The following GRB10 variants were observed in gnomAD, a reference collection of about 807,000 sequenced individuals.
The protein encoded by GRB10 is growth factor receptor bound protein 10, also known as growth factor receptor-bound protein 10.
In GRB10, 20 loss-of-function variants were observed where a neutral mutation model predicts 80.9. The ratio of observed to expected loss-of-function variants is 0.25; its 90% CI spans 0.17 to 0.36. The LOEUF is 0.36. Ranked by LOEUF, GRB10 falls within the 10% of genes least tolerant of loss-of-function variation. The pLI, the probability that GRB10 is intolerant of heterozygous loss-of-function variation, is 1.00. For missense variants in GRB10, 548 were observed against 747.7 expected (o/e 0.73, Z 3.12); for synonymous variants, 291 against 291.5 (o/e 1.00, Z 0.02).
chr7:50,680,006 T>C (rs961010947), intron 5 of GRB10, among the ~76,000 whole-genome samples: 10 of 152,312 alleles, frequency 6.6e-5, no homozygotes, highest in Non-Finnish European at 8.8e-5. Flanking sequence ...TTCCCATATA[T>C]AGAGTTTGGA....
chr7:50,752,657 T>A (rs1402486408), intron 3 of GRB10, among the ~76,000 whole-genome samples: 1 of 152,110 alleles, frequency 6.6e-6, no homozygotes, highest in Non-Finnish European at 1.5e-5. Context: ...AGAGTTGCCC[T>A]CCTGTGTGAG....
chr7:50,677,456 T>G (rs1034367198), intron 5 of GRB10, among the ~76,000 whole-genome samples: 1 of 152,192 alleles, frequency 6.6e-6, no homozygotes, highest in Non-Finnish European at 1.5e-5. Context: ...CACTGCCAAC[T>G]GCTGGAGCGA....
chr7:50,749,351 A>C (rs535546728), intron 3 of GRB10, among the ~76,000 whole-genome samples: 15 of 151,864 alleles, frequency 9.9e-5, no homozygotes, highest in African/African-American at 3.6e-4. Flanking sequence ...CTGATCTCGA[A>C]CACCTGACCT....
At chr7:50,693,832 G>A (rs1032872209) in intron 5 of GRB10, among the ~76,000 whole-genome samples, 4 of 151,998 alleles carry the variant, frequency 2.6e-5, no homozygotes, top group Admixed American at 6.5e-5. Context: ...TCCACTTTCA[G>A]GCAGGACCAT....
chr7:50,776,165 T>A (rs921213767), intron 2 of GRB10, among the ~76,000 whole-genome samples: 1 of 152,196 alleles, frequency 6.6e-6, no homozygotes, highest in African/African-American at 2.4e-5. Flanking sequence ...CTCCCAAACA[T>A]GTTTTTACAA....
chr7:50,689,214 C>T (rs2062479078), intron 5 of GRB10, among the ~76,000 whole-genome samples: 2 of 152,128 alleles, frequency 1.3e-5, no homozygotes. Context: ...TGCAGGGAGT[C>T]CCCATTCAGG....
chr7:50,734,894 A>C (rs2070522507), intron 3 of GRB10, among the ~76,000 whole-genome samples: 1 of 152,224 alleles, frequency 6.6e-6, no homozygotes, highest in African/African-American at 2.4e-5. Context: ...GAGATCAGGA[A>C]CAAGACAAAG....
At chr7:50,687,894 T>C (rs766634000) in intron 5 of GRB10, among the ~76,000 whole-genome samples, 2 of 152,240 alleles carry the variant, frequency 1.3e-5, no homozygotes, top group African/African-American at 2.4e-5. Context: ...CCAAGAAGCA[T>C]AGACACTTAG....
intron 7 of GRB10, among the ~76,000 whole-genome samples, chr7:50,641,971 C>T (rs1020309664): frequency 3.3e-5 from 5 of 152,178 alleles, no homozygotes; most frequent in African/African-American, 1.2e-4. Context: ...TGCTGCTCAC[C>T]TGAGGAACAC....
intron 7 of GRB10, among the ~76,000 whole-genome samples, chr7:50,638,731 C>A (rs1219196852): frequency 1.3e-5 from 2 of 152,170 alleles, no homozygotes; most frequent in Non-Finnish European, 2.9e-5. Flanking sequence ...ACCCAGTAAT[C>A]CCACTACTGG....
intron 4 of GRB10, among the ~76,000 whole-genome samples, chr7:50,720,781 T>TAA (rs778346917): frequency 1.4e-5 from 2 of 140,748 alleles, no homozygotes; most frequent in Non-Finnish European, 1.6e-5. Context: ...AGTACACCAT[T>TAA]AAAAAAAAAA....
At chr7:50,600,220 C>T (rs2047365690) in intron 17 of GRB10, among the ~76,000 whole-genome samples, 2 of 152,166 alleles carry the variant, frequency 1.3e-5, no homozygotes, top group Non-Finnish European at 2.9e-5. Context: ...CACACAGATA[C>T]CCCTAACTCA....
intron 8 of GRB10, among the ~76,000 whole-genome samples, chr7:50,622,878 C>T (rs553482047): frequency 6.6e-6 from 1 of 152,044 alleles, no homozygotes; most frequent in Admixed American, 6.6e-5. Flanking sequence ...GCAGCCTCAA[C>T]TTCCTGGGCT....
chr7:50,708,872 C>T (rs1290609325), intron 4 of GRB10, among the ~76,000 whole-genome samples: 1 of 152,094 alleles, frequency 6.6e-6, no homozygotes, highest in Non-Finnish European at 1.5e-5. Context: ...GATGCGGTTT[C>T]ACTATGTTGG....
chr7:50,773,860 T>C (rs1336520130), intron 2 of GRB10, among the ~76,000 whole-genome samples: 5 of 152,154 alleles, frequency 3.3e-5, no homozygotes, highest in African/African-American at 9.7e-5. Flanking sequence ...TGTTTGTTTA[T>C]TTATTTATTT....
At chr7:50,636,178 C>T (rs1249812930) in intron 7 of GRB10, among the ~76,000 whole-genome samples, 4 of 151,938 alleles carry the variant, frequency 2.6e-5, no homozygotes, top group Admixed American at 6.6e-5. Flanking sequence ...AGGGTTTTGC[C>T]ATGTTGGCCA....
At chr7:50,719,362 C>A (rs2067354513) in intron 4 of GRB10, among the ~76,000 whole-genome samples, 1 of 152,198 alleles carries the variant, frequency 6.6e-6, no homozygotes. Flanking sequence ...AAAGGGAATT[C>A]ATCTTAAGAG....
chr7:50,626,803 T>C lies in GRB10; in HGVS notation c.661+19A>G, dbSNP rs763824745. ...CATAAGCATCCCCAGGTGCCAATCCTGTTCTGATGGTTCCCTACCTAATCC... is the reference window on the plus strand; with the variant it reads ...CATAAGCATCCCCAGGTGCCAATCCCGTTCTGATGGTTCCCTACCTAATCC... On this transcript the variant is annotated intron_variant, in intron 8 of 18. Transcript: ENST00000401949. 8 of 1,614,008 alleles carry C rather than the reference T, an allele frequency of 5.0e-6. No homozygotes were observed. Among genetic ancestry groups the C allele is most frequent in the Middle Eastern group, 1.6e-4 (1 of 6,082 alleles).
At chr7:50,691,156 C>T (rs533874192) in intron 5 of GRB10, among the ~76,000 whole-genome samples, 3 of 152,278 alleles carry the variant, frequency 2.0e-5, no homozygotes, top group Admixed American at 1.3e-4. Flanking sequence ...TGTAGGGATT[C>T]GATCTACTGC....
Sources: gnomAD v4.1 joint callset for allele counts (sites outside exome capture counted in the v4.1 genomes callset) on GRCh38, gnomAD v4.1.1 for gene constraint, MANE v1.5 for transcripts, NCBI Gene and HGNC (gene_info 2026-07-23, HGNC 2026-07-21) for gene names.